Variants in GTF2F2 observed in about 807,000 individuals in gnomAD.
GTF2F2 encodes the protein ATP-dependent helicase GTF2F2.
In GTF2F2, 23 loss-of-function variants were observed where a neutral mutation model predicts 42.2. The ratio of observed to expected loss-of-function variants is 0.55; its 90% CI spans 0.39 to 0.77. The LOEUF (loss-of-function observed/expected upper bound fraction) is 0.77. Ranked by LOEUF, GTF2F2 falls within the 30% of genes least tolerant of loss-of-function variation. The pLI, the probability that GTF2F2 is intolerant of heterozygous loss-of-function variation, is 0.00. For missense variants in GTF2F2, 261 were observed against 287.2 expected, an observed-to-expected ratio of 0.91 and a Z score of 0.66; for synonymous variants, 105 against 100.8, an observed-to-expected ratio of 1.04 and a Z score of -0.25.
chr13:45,283,360 G>T, intron 7 of GTF2F2, 82 bp from the exon 8 acceptor site: 23 of 1,244,704 alleles, frequency 1.8e-5, no homozygotes, highest in Middle Eastern at 2.6e-4. Context: ...GCTTGCATAT[G>T]TGCTTTGGCA....
intron 1 of GTF2F2, among the ~76,000 whole-genome samples, chr13:45,135,151 G>A (rs191773482): frequency 5.3e-5 from 8 of 151,700 alleles, no homozygotes; most frequent in African/African-American, 1.9e-4. Context: ...ACGGGATTCC[G>A]CCATGATGGC....
chr13:45,151,163 G>C (rs922570958), intron 3 of GTF2F2, among the ~76,000 whole-genome samples: 1 of 152,040 alleles, frequency 6.6e-6, no homozygotes, highest in East Asian at 1.9e-4. Flanking sequence ...AATGTCTGTT[G>C]TTCCCATCTT....
intron 1 of GTF2F2, among the ~76,000 whole-genome samples, chr13:45,125,886 G>T (rs1456894686): frequency 6.6e-6 from 1 of 152,008 alleles, no homozygotes; most frequent in Non-Finnish European, 1.5e-5. Context: ...GGCAGTCTCA[G>T]TGAAAAGCCA....
At chr13:45,127,938 CTTTT>C (rs1161627204) in intron 1 of GTF2F2, among the ~76,000 whole-genome samples, 1,775 of 48,166 alleles carry the variant, frequency 0.037, 12 homozygotes, top group African/African-American at 0.074. Flanking sequence ...GCACCCCGGC[CTTTT>C]TTTTTTTTTT....
At chr13:45,255,637 G>A (rs1012010611) in intron 6 of GTF2F2, among the ~76,000 whole-genome samples, 1 of 152,154 alleles carries the variant, frequency 6.6e-6, no homozygotes, top group Admixed American at 6.6e-5. Flanking sequence ...TCTACTGTTG[G>A]ATGGGAATAC....
chr13:45,170,252 C>T (rs577062115), intron 4 of GTF2F2, among the ~76,000 whole-genome samples: 1 of 152,088 alleles, frequency 6.6e-6, no homozygotes, highest in African/African-American at 2.4e-5. Flanking sequence ...GGTCTCAGAC[C>T]CCCCCTGCCT....
chr13:45,278,171 T>A (rs1167829680), intron 7 of GTF2F2, among the ~76,000 whole-genome samples: 1 of 152,124 alleles, frequency 6.6e-6, no homozygotes, highest in Non-Finnish European at 1.5e-5. Flanking sequence ...AGCAAAAGAC[T>A]AAAATAATAG....
At position 45,124,618 on chromosome 13, in the gene GTF2F2, G is replaced by C. The variant is rs575674790; in HGVS notation, c.66+3897G>C. ...CTCACCCGGTCACCCAGGCTGGTGT[G>C]CAATGGCACAATCTCAGCGCACTGT... On this transcript the variant is annotated intron_variant, in intron 1 of 7. Transcript: ENST00000340473. 6.6e-5 allele frequency among the ~76,000 whole-genome samples: 10 copies of C among 152,108 alleles called. No homozygotes were observed. In the South Asian group the frequency reaches 2.1e-3, roughly 32 times the overall value.
At chr13:45,168,821 T>TTCCTTCCTTCCC (rs1566121328) in intron 4 of GTF2F2, among the ~76,000 whole-genome samples, 4 of 128,780 alleles carry the variant, frequency 3.1e-5, no homozygotes, top group Admixed American at 7.5e-5. Context: ...CCTTCCTTCC[T>TTCCTTCCTTCCC]TCCTTCCCTC....
intron 4 of GTF2F2, among the ~76,000 whole-genome samples, chr13:45,182,053 C>T (rs2138157398): frequency 6.6e-6 from 1 of 152,252 alleles, no homozygotes; most frequent in South Asian, 2.1e-4. Flanking sequence ...CCTTATGTAG[C>T]CCCTTCTTCT....
chr13:45,254,620 G>A (rs1000938915), intron 6 of GTF2F2, among the ~76,000 whole-genome samples: 4 of 152,144 alleles, frequency 2.6e-5, no homozygotes, highest in Admixed American at 6.5e-5. Context: ...TATCAGTCCA[G>A]GTGTTGAACT....
At chr13:45,206,616 C>G (rs1873423217) in intron 4 of GTF2F2, 2 of 152,086 alleles carry the variant, frequency 1.3e-5, no homozygotes, top group South Asian at 4.1e-4. Context: ...AAAGCTGGTA[C>G]CATTATGAGA....
intron 6 of GTF2F2, among the ~76,000 whole-genome samples, chr13:45,264,458 A>G (rs1876482355): frequency 6.6e-6 from 1 of 151,580 alleles, no homozygotes; most frequent in Non-Finnish European, 1.5e-5. Context: ...ATTTTTTTGT[A>G]TTTTTAGCAG....
intron 6 of GTF2F2, among the ~76,000 whole-genome samples, chr13:45,255,080 C>T (rs1281406730): frequency 1.3e-5 from 2 of 149,562 alleles, no homozygotes; most frequent in Admixed American, 6.7e-5. Flanking sequence ...GCAGGAGAAT[C>T]GCCTGAACCC....
intron 6 of GTF2F2, among the ~76,000 whole-genome samples, chr13:45,266,043 G>C (rs1313775372): frequency 6.6e-6 from 1 of 152,178 alleles, no homozygotes; most frequent in East Asian, 1.9e-4. Flanking sequence ...TAAGTAAAAA[G>C]GGTGATGTTT....
chr13:45,227,594 C>G (rs1377391943), intron 5 of GTF2F2, among the ~76,000 whole-genome samples: 3 of 152,102 alleles, frequency 2.0e-5, no homozygotes. Context: ...CTGTGATAGT[C>G]TTGCCTTTAT....
At chr13:45,191,224 A>AAAAAAATATATATATATATATATATATAT in intron 4 of GTF2F2, among the ~76,000 whole-genome samples, 1 of 75,344 alleles carries the variant, frequency 1.3e-5, no homozygotes, top group African/African-American at 1.0e-4. Context: ...ACAAAAAAAA[A>AAAAAAATATATATATATATATATATATAT]ATATATATAT....
Position 45,250,475 on chromosome 13 carries a change from T to C in GTF2F2, c.387-2396T>C, listed in dbSNP as rs192926354. Among the ~76,000 whole-genome samples the C allele has an allele frequency of 5.3e-5, 8 of 152,328 alleles. No homozygotes were observed. In the East Asian group the frequency reaches 1.5e-3, roughly 29 times the overall value. On this transcript the variant is annotated intron_variant, in intron 5 of 7. Coordinates refer to ENST00000340473, the MANE Select transcript of GTF2F2 (RefSeq NM_004128.3). ...ACCATCCCTCCATCACCCTTGTTCA[T>C]CTTCAGTACTGCAGTTAATTATAGT...
intron 7 of GTF2F2, among the ~76,000 whole-genome samples, chr13:45,272,435 A>AAAC (rs1555273487): frequency 1.6e-4 from 23 of 141,500 alleles, no homozygotes; most frequent in African/African-American, 5.8e-4. Flanking sequence ...AAAAAAAAAA[A>AAAC]AAAAACAAAA....
Sources: allele counts gnomAD v4.1 joint callset (sites outside exome capture counted in the v4.1 genomes callset), GRCh38; gene constraint gnomAD v4.1.1; transcripts MANE v1.5; gene names NCBI Gene and HGNC (gene_info 2026-07-23, HGNC 2026-07-21).